The following CYP2D6 variants were observed in gnomAD, a reference collection of about 807,000 sequenced individuals.
CYP2D6 encodes the protein cytochrome P450 family 2 subfamily D member 6 (gene/pseudogene).
CYP2D6 carries 51 observed loss-of-function variants against 43.5 expected under a neutral mutation model. The observed-to-expected ratio is 1.17, with a 90% CI of 0.94 to 1.48. CYP2D6 has a LOEUF of 1.48. CYP2D6 is among the 40% of genes most tolerant of loss of function. The probability of loss-of-function intolerance (pLI) is 0.00; values close to 1 mark genes in which losing one functional copy is unlikely to be tolerated. For missense variants in CYP2D6, 698 were observed against 688.0 expected (o/e 1.01, Z -0.16); for synonymous variants, 346 against 297.1 (o/e 1.16, Z -1.69).
At position 42,130,762 on chromosome 22, in the gene CYP2D6, G is replaced by T. The variant is rs561496509; in HGVS notation, c.30C>A (p.Ala10=). MGLEALVPL[A]VIVAIFLLLV... is the part of the protein sequence containing the mutation. ...GGAGCAGGAAGATGGCCACTATCACGGCCAGGGGCACCAGTGCTTCTAGCC... is the reference window on the plus strand; with the variant it reads ...GGAGCAGGAAGATGGCCACTATCACTGCCAGGGGCACCAGTGCTTCTAGCC... Residue 10 remains alanine (A), a synonymous_variant, in exon 1 of 9, where the codon GCC becomes GCA. Transcript: ENST00000645361. The T allele has an allele frequency of 5.7e-6, 9 of 1,586,492 alleles. 2 individuals are homozygous for T. The South Asian group carries it at 5.7e-5, about 10-fold the overall frequency.
In CYP2D6 at chr22:42,128,482, C is replaced by G. The variant is rs540065340; in HGVS notation, c.667-132G>C. On this transcript the variant is annotated intron_variant, in intron 4 of 8. Transcript: ENST00000645361. ...ACCACTGACCTCACCAAGTCCCTCC[C>G]CAAGTGCCAGCCTCCACCCTCTCTC... The G allele has an allele frequency of 9.0e-6, 10 of 1,108,392 alleles. 1 individual carries two copies. In the South Asian group the frequency reaches 1.0e-4, roughly 12 times the overall value. 68.7% of individuals were successfully genotyped at this position (1,108,392 alleles called of 1,614,324 possible).
rs1602591357 is a variant in CYP2D6, at chr22:42,130,772, A to G, written c.20T>C (p.Val7Ala). MGLEALVPLAVIVAIFL... is the reference protein window; with the variant it reads MGLEALAPLAVIVAIFL... ...GATGGCCACTATCACGGCCAGGGGC[A>G]CCAGTGCTTCTAGCCCCATACCTGC... Residue 7 changes from valine (V) to alanine (A), a missense_variant, in exon 1 of 9, where the codon GTG (valine) becomes GCG (alanine). Physicochemically the swap from Val to Ala is moderately conservative, Grantham distance 64. Around this residue, in one of 5 missense-constraint regions of CYP2D6, gnomAD observed 588 missense variants for 521.1 expected, o/e 1.13. Coordinates refer to ENST00000645361, the MANE Select transcript of CYP2D6 (RefSeq NM_000106.6). 6.3e-7 allele frequency: 1 copy of G among 1,579,388 alleles called. No individual in the cohort carries two copies. Among genetic ancestry groups the G allele is most frequent in the Non-Finnish European group, 8.6e-7 (1 of 1,161,600 alleles).
intron 1 of CYP2D6, 60 bp downstream of exon 1, chr22:42,130,552 G>C: frequency 7.7e-7 from 1 of 1,290,818 alleles, no homozygotes; most frequent in Non-Finnish European, 1.1e-6. Flanking sequence ...CACCATCCAT[G>C]TTTGCTTCTG....
In CYP2D6 at chr22:42,130,688, G is replaced by A. The variant is rs1258016506; in HGVS notation, c.104C>T (p.Pro35Leu). The change falls in exon 1 of 9, where the codon CCA (proline) becomes CTA (leucine). Residue 35 changes from proline (P) to leucine (L), a missense_variant. Coordinates refer to ENST00000645361, the MANE Select transcript of CYP2D6 (RefSeq NM_000106.6). The stretch of plus-strand genomic sequence containing the variant: ...CAGCCCGGGCAGTGGCAGGGGGCCT[G>A]GTGGGTAGCGTGCAGCCCAGCGTTG... ...RRQRWAARYP[P>L]GPLPLPGLGN... The A allele has an allele frequency of 2.5e-6, 4 of 1,607,554 alleles. No homozygotes were observed. The South Asian group carries it at 4.4e-5, about 18-fold the overall frequency.
chr22:42,128,756 A>G (rs1322289483), intron 4 of CYP2D6, 28 bp downstream of exon 4: 17 of 1,593,662 alleles, frequency 1.1e-5, no homozygotes, highest in Middle Eastern at 1.7e-4. Flanking sequence ...CTCGCCCTGC[A>G]GAGACTCCTC....
rs762003368 is a variant in CYP2D6, at chr22:42,127,594, C to A, written c.1026G>T (p.Val342=). 6.2e-7 allele frequency: 1 copy of A among 1,612,090 alleles called. No homozygotes were observed. Among genetic ancestry groups the A allele is most frequent in the Non-Finnish European group, 8.5e-7 (1 of 1,178,700 alleles). The change falls in exon 7 of 9, where the codon GTG becomes GTT. Residue 342 remains valine (V), a synonymous_variant. Coordinates refer to ENST00000645361, the MANE Select transcript of CYP2D6 (RefSeq NM_000106.6). ...CCTGGTCACCCATCTCTGGTCGCCG[C>A]ACCTGCCCTATCACGTCGTCGATCT... The part of the protein sequence containing the change: ...QQEIDDVIGQ[V]RRPEMGDQAH...
intron 5 of CYP2D6, 80 bp downstream of exon 5, chr22:42,128,094 C>T (rs1411215373): frequency 2.5e-6 from 4 of 1,584,848 alleles, no homozygotes; most frequent in South Asian, 1.1e-5. Context: ...ACTGGTCCAA[C>T]CTTTTGCCCA....
chr22:42,127,201 T>C (rs1931062008), intron 7 of CYP2D6, among the ~76,000 whole-genome samples: 1 of 151,266 alleles, frequency 6.6e-6, no homozygotes, highest in Non-Finnish European at 1.5e-5. Context: ...CCCCTCTCCC[T>C]GCAGGCGTTG....
In CYP2D6 at chr22:42,129,912, G is replaced by T; in HGVS notation, c.181-3C>A. On this transcript the variant is annotated splice_polypyrimidine_tract_variant and splice_region_variant and intron_variant, in intron 1 of 8. Transcript: ENST00000645361. Reference sequence around the variant, plus strand: ...ACGTCCCCGAAGCGGCGCCGCAACTGCAGAGGGAGGGTCAGGGCCTCTTGT... The same window carrying T: ...ACGTCCCCGAAGCGGCGCCGCAACTTCAGAGGGAGGGTCAGGGCCTCTTGT... 1 of 1,553,166 alleles carries T rather than the reference G, an allele frequency of 6.4e-7. No individual in the cohort carries two copies. The highest frequency in any genetic ancestry group is 1.2e-5 in the South Asian group (1 of 86,876).
chr22:42,128,314 C>A lies in CYP2D6; in HGVS notation c.703G>T (p.Ala235Ser). Residue 235 changes from alanine to serine, a missense_variant, in exon 5 of 9, where the codon GCG (alanine) becomes TCG (serine). Around this residue, in one of 5 missense-constraint regions of CYP2D6, gnomAD observed 588 missense variants for 521.1 expected, o/e 1.13. Transcript: ENST00000645361. ...NAVPVLLHIP[A>S]LAGKVLRFQK... Reference sequence around the variant, plus strand: ...AAGCGTAGGACCTTGCCAGCCAGCGCTGGGATATGCAGGAGGACGGGGACA... The same window carrying A: ...AAGCGTAGGACCTTGCCAGCCAGCGATGGGATATGCAGGAGGACGGGGACA... The A allele has an allele frequency of 6.2e-7, 1 of 1,610,680 alleles. No homozygotes were observed. The highest frequency in any genetic ancestry group is 8.5e-7 in the Non-Finnish European group (1 of 1,178,028).
Position 42,129,779 on chromosome 22 carries a change from A to ACAGG in CYP2D6, c.307_310dup (p.Val104AlafsTer151), listed in dbSNP as rs1931743190. The ACAGG allele has an allele frequency of 1.9e-6, 3 of 1,608,884 alleles. No homozygotes were observed. The highest frequency in any genetic ancestry group is 4.5e-5 in the East Asian group (2 of 44,738). ...GAAACCCAGGATCTGGGTGATGGGC[A>ACAGG]CAGGCGGGCGGTCGGCGGTGTCCTC... On this transcript the variant is annotated frameshift_variant, in exon 2 of 9. Transcript: ENST00000645361. LOFTEE classifies it high-confidence loss of function.
chr22:42,128,216 G>T lies in CYP2D6; in HGVS notation c.801C>A (p.Pro267=), dbSNP rs28371718. ...GGAAGGCCTCAGTCAGGTCTCGGGG[G>T]GGCTGGGCTGGGTCCCAGGTCATCC... ...EHRMTWDPAQ[P]PRDLTEAFLA... The change falls in exon 5 of 9, where the codon CCC becomes CCA. Residue 267 remains proline (P), a synonymous_variant. Coordinates refer to ENST00000645361, the MANE Select transcript of CYP2D6 (RefSeq NM_000106.6). 12,157 of 1,602,256 alleles carry T rather than the reference G, an allele frequency of 7.6e-3. 642 individuals are homozygous for T. The highest frequency in any genetic ancestry group is 0.068 in the African/African-American group (5,065 of 73,946).
At position 42,126,754 on chromosome 22, in the gene CYP2D6, T is replaced by A; in HGVS notation, c.1316-2A>T. The A allele has an allele frequency of 6.5e-7, 1 of 1,548,346 alleles. No individual in the cohort carries two copies. Among genetic ancestry groups the A allele is most frequent in the Non-Finnish European group, 8.7e-7 (1 of 1,146,126 alleles). ...GCTCCCCGAGGCATGCACGGCGGCCTGTGGGGAGGGGAGGGGCGTCAGTGA... is the reference window on the plus strand; with the variant it reads ...GCTCCCCGAGGCATGCACGGCGGCCAGTGGGGAGGGGAGGGGCGTCAGTGA... On this transcript the variant is annotated splice_acceptor_variant, in intron 8 of 8. Transcript: ENST00000645361. LOFTEE classifies it high-confidence loss of function.
chr22:42,129,235 C>G, intron 2 of CYP2D6, 50 bp from the exon 3 acceptor site: 1 of 1,583,120 alleles, frequency 6.3e-7, no homozygotes, highest in Non-Finnish European at 8.6e-7. Context: ...ATTAGCCCCA[C>G]CATCCACCAC....
In CYP2D6 at chr22:42,129,816, C is replaced by G. The variant is rs1445528488; in HGVS notation, c.274G>C (p.Val92Leu). 1.2e-6 allele frequency: 2 copies of G among 1,603,692 alleles called. No individual in the cohort carries two copies. Among genetic ancestry groups the G allele is most frequent in the Non-Finnish European group, 1.7e-6 (2 of 1,175,194 alleles). Residue 92 changes from valine (V) to leucine (L), a missense_variant, in exon 2 of 9, where the codon GTG (valine) becomes CTG (leucine). Coordinates refer to ENST00000645361, the MANE Select transcript of CYP2D6 (RefSeq NM_000106.6). ...TCGGCGGTGTCCTCGCCGTGGGTCA[C>G]CAGCGCCTCGCGCACGGCCGCCAGC... Reference protein sequence around the residue: ...NGLAAVREALVTHGEDTADRP... With the variant: ...NGLAAVREALLTHGEDTADRP...
rs267608275 is a variant in CYP2D6, at chr22:42,130,048, TG to T, written c.181-140del. The T allele has an allele frequency of 7.4e-3, 5,178 of 698,474 alleles. 384 individuals carry two copies. In the African/African-American group the frequency reaches 0.12, roughly 16 times the overall value. The allele number at this position is 698,474 out of a possible 1,614,324, so 43.3% of individuals were successfully genotyped here. A position where few individuals can be genotyped will look rare whatever the true frequency, so the allele number is the denominator to read the frequency against. ...AGGAGGAGACCCAGCCTCCTGATCG[TG>T]GGGCGGGGGTGGGGGTCACACCTTC... On this transcript the variant is annotated intron_variant, in intron 1 of 8. Coordinates refer to ENST00000645361, the MANE Select transcript of CYP2D6 (RefSeq NM_000106.6).
intron 1 of CYP2D6, 167 bp from the exon 2 acceptor site, chr22:42,130,076 G>A: frequency 1.4e-6 from 1 of 695,338 alleles, no homozygotes; most frequent in Non-Finnish European, 2.3e-6. Context: ...CACACCTTCT[G>A]TGATGGAGGA....
At chr22:42,130,454 T>C in intron 1 of CYP2D6, 158 bp downstream of exon 1, 2 of 866,318 alleles carry the variant, frequency 2.3e-6, no homozygotes, top group South Asian at 3.0e-5. Context: ...CAGTCCTTCA[T>C]GCCATGTATA....
chr22:42,127,515 T>C lies in CYP2D6; in HGVS notation c.1105A>G (p.Ile369Val). 1 of 1,611,656 alleles carries C rather than the reference T, an allele frequency of 6.2e-7. No individual in the cohort carries two copies. The change falls in exon 7 of 9, where the codon ATC becomes GTC. Residue 369 changes from isoleucine to valine, a missense_variant. This residue lies in a region of CYP2D6 where 588 missense variants were observed against 521.1 expected (regional missense o/e 1.13). Transcript: ENST00000645361. ...VIHEVQRFGD[I>V]VPLGVTHMTS... is the part of the protein sequence containing the mutation. ...ATATGGGTCACACCCAGGGGGACGATGTCCCCAAAGCGCTGCACCTCATGA... is the reference window on the plus strand; with the variant it reads ...ATATGGGTCACACCCAGGGGGACGACGTCCCCAAAGCGCTGCACCTCATGA...
Sources: allele counts gnomAD v4.1 joint callset (sites outside exome capture counted in the v4.1 genomes callset), GRCh38; gene constraint gnomAD v4.1.1; regional missense constraint gnomAD v4.1.1; transcripts MANE v1.5; gene names NCBI Gene and HGNC (gene_info 2026-07-23, HGNC 2026-07-21).